The following BCR variants were observed in gnomAD, a reference collection of about 807,000 sequenced individuals.
BCR encodes the protein breakpoint cluster region protein.
Under a neutral mutation model 138.6 loss-of-function variants are expected in BCR, and 58 were observed. The ratio of observed to expected loss-of-function variants is 0.42; its 90% CI spans 0.34 to 0.52. The LOEUF is 0.52. BCR is among the 20% of genes least tolerant of loss of function. The pLI is 0.06. For synonymous variants in BCR, 786 were observed against 730.1 expected (o/e 1.08, Z -1.23); for missense variants, 1,599 against 1,727.2 (o/e 0.93, Z 1.32).
At chr22:23,208,018 T>A (rs2146216119) in intron 1 of BCR, among the ~76,000 whole-genome samples, 1 of 152,334 alleles carries the variant, frequency 6.6e-6, no homozygotes. Flanking sequence ...GTACCCACCT[T>A]TGCTTTGGCT....
chr22:23,252,910 G>A (rs2073247773), intron 1 of BCR, among the ~76,000 whole-genome samples: 1 of 152,212 alleles, frequency 6.6e-6, no homozygotes. Flanking sequence ...TTTTGACATT[G>A]TCTACCTGGA....
intron 1 of BCR, among the ~76,000 whole-genome samples, chr22:23,202,431 A>C (rs978393074): frequency 6.6e-5 from 10 of 152,136 alleles, no homozygotes; most frequent in African/African-American, 2.4e-4. Context: ...CCTGTCATGC[A>C]CCCATCACTA....
At chr22:23,225,021 C>T (rs1204280916) in intron 1 of BCR, among the ~76,000 whole-genome samples, 2 of 151,832 alleles carry the variant, frequency 1.3e-5, no homozygotes, top group East Asian at 3.9e-4. Flanking sequence ...GCATTTGGAG[C>T]AGCTGGCTGG....
At chr22:23,273,018 T>C in intron 6 of BCR, 63 bp from the exon 7 acceptor site, 1 of 1,565,766 alleles carries the variant, frequency 6.4e-7, no homozygotes, top group South Asian at 1.1e-5. Flanking sequence ...GCACCGAGGG[T>C]GGTCAGGCAG....
At chr22:23,240,888 A>C (rs910478772) in intron 1 of BCR, among the ~76,000 whole-genome samples, 1 of 152,026 alleles carries the variant, frequency 6.6e-6, no homozygotes, top group Non-Finnish European at 1.5e-5. Context: ...TGTCTCTATG[A>C]ATTTGACTAC....
At chr22:23,212,074 T>C (rs907263175) in intron 1 of BCR, among the ~76,000 whole-genome samples, 7 of 152,182 alleles carry the variant, frequency 4.6e-5, no homozygotes, top group African/African-American at 1.7e-4. Flanking sequence ...GAAACTGCAC[T>C]CTCTGACCTC....
At chr22:23,238,430 G>C (rs1254696888) in intron 1 of BCR, among the ~76,000 whole-genome samples, 1 of 151,944 alleles carries the variant, frequency 6.6e-6, no homozygotes. Context: ...AATTCTGGTG[G>C]AGAATACAAA....
intron 1 of BCR, among the ~76,000 whole-genome samples, chr22:23,230,035 A>G (rs1030795368): frequency 2.8e-5 from 4 of 145,436 alleles, no homozygotes; most frequent in Non-Finnish European, 1.5e-5. Flanking sequence ...AGAGAGAGCA[A>G]GCTTTTCTGT....
intron 16 of BCR, among the ~76,000 whole-genome samples, chr22:23,296,667 C>A (rs868377919): frequency 6.6e-6 from 1 of 152,214 alleles, no homozygotes; most frequent in African/African-American, 2.4e-5. Context: ...AGCAAAAAGA[C>A]TCCTCTGGCA....
At chr22:23,216,271 G>A (rs1009637469) in intron 1 of BCR, among the ~76,000 whole-genome samples, 1 of 152,144 alleles carries the variant, frequency 6.6e-6, no homozygotes, top group African/African-American at 2.4e-5. Context: ...TTTGAATTCT[G>A]CGCTTACATT....
rs114353597 is a variant in BCR, at chr22:23,288,540, T to C, written c.2602+368T>C. The stretch of plus-strand genomic sequence containing the variant: ...ACCCCCGGCCTGCCCCCTAGTCCTT[T>C]CTGGGACCCTGCCACCACCCCATTT... On this transcript the variant is annotated intron_variant, in intron 12 of 22. Transcript: ENST00000305877. 2.9e-3 allele frequency among the ~76,000 whole-genome samples: 447 copies of C among 151,928 alleles called. 3 individuals carry two copies. Among genetic ancestry groups the C allele is most frequent in the African/African-American group, 0.01 (421 of 41,402 alleles).
chr22:23,303,734 G>A (rs968641033), intron 16 of BCR, among the ~76,000 whole-genome samples: 87 of 152,280 alleles, frequency 5.7e-4, no homozygotes, highest in African/African-American at 2.0e-3. Context: ...GAAGCACACC[G>A]CCATCAACAT....
intron 1 of BCR, among the ~76,000 whole-genome samples, chr22:23,245,730 G>C (rs1254045671): frequency 6.6e-6 from 1 of 151,918 alleles, no homozygotes; most frequent in Non-Finnish European, 1.5e-5. Flanking sequence ...CATCCGGAAG[G>C]ATACTCTCAG....
intron 14 of BCR, 105 bp downstream of exon 14, chr22:23,290,518 G>C: frequency 8.8e-7 from 1 of 1,135,416 alleles, no homozygotes; most frequent in South Asian, 1.2e-5. Context: ...TTGTTCAGAT[G>C]ACCACGGGAC....
chr22:23,304,997 C>G (rs976984095), intron 16 of BCR, among the ~76,000 whole-genome samples: 2 of 152,030 alleles, frequency 1.3e-5, no homozygotes, highest in Non-Finnish European at 2.9e-5. Flanking sequence ...TGCCTGTAAT[C>G]CCAGCTCCTC....
intron 16 of BCR, among the ~76,000 whole-genome samples, chr22:23,303,323 T>A (rs1292996178): frequency 6.6e-6 from 1 of 152,034 alleles, no homozygotes; most frequent in Non-Finnish European, 1.5e-5. Context: ...GGGGACGTGA[T>A]GGGAGTCGGA....
rs978370682 is a variant in BCR at position 23,284,016 on chromosome 22, G to T, written c.2155G>T (p.Val719Leu). The change falls in exon 9 of 23, where the codon GTG becomes TTG. Residue 719 changes from valine to leucine, a missense_variant. Coordinates refer to ENST00000305877, the MANE Select transcript of BCR (RefSeq NM_004327.4). ...LLKDSFMVEL[V>L]EGARKLRHVF... ...GAAGGACAGCTTCATGGTGGAGCTGGTGGAGGGGGCCCGCAAGCTGCGCCA... is the reference window on the plus strand; with the variant it reads ...GAAGGACAGCTTCATGGTGGAGCTGTTGGAGGGGGCCCGCAAGCTGCGCCA... The T allele has an allele frequency of 2.5e-6, 4 of 1,603,706 alleles. No homozygotes were observed. In the African/African-American group the frequency reaches 4.0e-5, roughly 16 times the overall value.
chr22:23,210,031 T>A (rs2072663537), intron 1 of BCR, among the ~76,000 whole-genome samples: 1 of 152,230 alleles, frequency 6.6e-6, no homozygotes, highest in African/African-American at 2.4e-5. Flanking sequence ...TTCAACAAAT[T>A]TCCAATTATA....
chr22:23,206,576 CA>C (rs559810867), intron 1 of BCR, among the ~76,000 whole-genome samples: 1,972 of 89,666 alleles, frequency 0.022, 14 homozygotes, highest in Middle Eastern at 0.035. Flanking sequence ...GACTCCGTCT[CA>C]AAAAAAAAAA....
Sources: gnomAD v4.1 joint callset for allele counts (sites outside exome capture counted in the v4.1 genomes callset) on GRCh38, gnomAD v4.1.1 for gene constraint, MANE v1.5 for transcripts, NCBI Gene and HGNC (gene_info 2026-07-23, HGNC 2026-07-21) for gene names.